SEPTIN8: variants seen among roughly 807,000 people sequenced by gnomAD.
SEPTIN8 encodes the protein septin 8, also known as septin-8.
A neutral mutation model predicts 53.1 loss-of-function variants in SEPTIN8; 22 were observed. That is an observed-to-expected ratio of 0.41 (90% CI 0.30 to 0.59). The LOEUF (loss-of-function observed/expected upper bound fraction) is 0.59, where lower values mean the gene tolerates loss of function less well. Ranked by LOEUF, SEPTIN8 falls within the 20% of genes least tolerant of loss-of-function variation. The pLI, the probability that SEPTIN8 is intolerant of heterozygous loss-of-function variation, is 0.24. For synonymous variants in SEPTIN8, 228 were observed against 248.4 expected, an observed-to-expected ratio of 0.92 and a Z score of 0.77; for missense variants, 536 against 638.7, an observed-to-expected ratio of 0.84 and a Z score of 1.73.
At chr5:132,769,621 C>T (rs773433502) in intron 1 of SEPTIN8, among the ~76,000 whole-genome samples, 2 of 152,028 alleles carry the variant, frequency 1.3e-5, no homozygotes, top group South Asian at 2.1e-4. Flanking sequence ...TGACATAGGC[C>T]GTAGCAGCCT....
rs576714860 is a variant in SEPTIN8 at position 132,764,288 on chromosome 5, C to T, written c.283G>A (p.Val95Met). Reference protein sequence around the residue: ...PQTYDLQESNVQLKLTIVDAV... With the variant: ...PQTYDLQESNMQLKLTIVDAV... Reference sequence around the variant, plus strand: ...TCCACAATGGTCAGCTTGAGCTGCACGTTGCTCTCCTGGAGGTCATAGGTC... The same window carrying T: ...TCCACAATGGTCAGCTTGAGCTGCATGTTGCTCTCCTGGAGGTCATAGGTC... Residue 95 changes from valine (V) to methionine (M), a missense_variant, in exon 3 of 10, where the codon GTG (valine) becomes ATG (methionine). By Grantham distance (21) the Val-to-Met change is conservative (BLOSUM62 1). Around this residue, in one of 3 missense-constraint regions of SEPTIN8, gnomAD observed 395 missense variants for 451.8 expected, o/e 0.87. Transcript: ENST00000378719. 5 of 1,614,050 alleles carry T rather than the reference C, an allele frequency of 3.1e-6. No individual in the cohort carries two copies. The highest frequency in any genetic ancestry group is 3.3e-5 in the Admixed American group (2 of 59,992).
At chr5:132,762,432 C>T (rs568490499) in intron 5 of SEPTIN8, 52 bp downstream of exon 5, 78 of 1,566,864 alleles carry the variant, frequency 5.0e-5, no homozygotes, top group South Asian at 2.8e-4. Flanking sequence ...AGATCTGTGC[C>T]GGCTCCTCGC....
chr5:132,770,004 TATATATATATATATATATAC>T (rs1385803454), intron 1 of SEPTIN8, among the ~76,000 whole-genome samples: 30 of 50,320 alleles, frequency 6.0e-4, no homozygotes, highest in South Asian at 4.4e-3. Flanking sequence ...TATATATATA[TATATATATATATATATATAC>T]ACACACATAT....
intron 9 of SEPTIN8, chr5:132,759,111 C>T: frequency 1.8e-6 from 1 of 554,546 alleles, no homozygotes; most frequent in Non-Finnish European, 3.5e-6. Flanking sequence ...CACCCCTGCC[C>T]CCATTCCAAA....
In SEPTIN8 at chr5:132,751,113, C is replaced by G. The variant is rs1581119753; in HGVS notation, c.*903G>C. On this transcript the variant is annotated 3_prime_UTR_variant, in exon 10 of 10. Coordinates refer to ENST00000378719, the MANE Select transcript of SEPTIN8 (RefSeq NM_001098811.2). The stretch of plus-strand genomic sequence containing the variant: ...TGCACACGCCCTTGCACATGCACCA[C>G]AGTGAGGTGACGCACAAGGCTCATG... 1.7e-6 allele frequency: 2 copies of G among 1,187,864 alleles called. No individual in the cohort carries two copies. Among genetic ancestry groups the G allele is most frequent in the Non-Finnish European group, 2.4e-6 (2 of 841,464 alleles). The allele number at this position is 1,187,864 out of a possible 1,614,324, so 73.6% of individuals were successfully genotyped here. A position where few individuals can be genotyped will look rare whatever the true frequency, so the allele number is the denominator to read the frequency against.
At chr5:132,755,495 T>TTCAAGTA (rs1310864758) in intron 9 of SEPTIN8, among the ~76,000 whole-genome samples, 54 of 152,254 alleles carry the variant, frequency 3.5e-4, no homozygotes, top group African/African-American at 1.3e-3. Flanking sequence ...AATCTCAACT[T>TTCAAGTA]CTCCAGTTAC....
intron 9 of SEPTIN8, chr5:132,754,383 T>G: frequency 1.4e-6 from 1 of 717,306 alleles, no homozygotes; most frequent in Admixed American, 2.0e-5. Flanking sequence ...CCACAGTGCA[T>G]GAGGCAGAAG....
At chr5:132,771,658 A>G (rs1757330079) in intron 1 of SEPTIN8, among the ~76,000 whole-genome samples, 1 of 152,214 alleles carries the variant, frequency 6.6e-6, no homozygotes, top group Non-Finnish European at 1.5e-5. Context: ...AAACTATGCT[A>G]GCCCCGGCTC....
intron 1 of SEPTIN8, among the ~76,000 whole-genome samples, chr5:132,774,716 C>T (rs1757632226): frequency 6.6e-6 from 1 of 152,162 alleles, no homozygotes; most frequent in African/African-American, 2.4e-5. Context: ...AATTCTCAGG[C>T]CTGCAGGGCT....
intron 9 of SEPTIN8, among the ~76,000 whole-genome samples, chr5:132,759,886 G>GA (rs1194500620): frequency 6.6e-6 from 1 of 152,152 alleles, no homozygotes; most frequent in Non-Finnish European, 1.5e-5. Flanking sequence ...TAAGGGTGTG[G>GA]AAACAGGCTA....
intron 5 of SEPTIN8, 27 bp downstream of exon 5, chr5:132,762,457 G>C (rs776551633): frequency 1.2e-6 from 2 of 1,611,554 alleles, no homozygotes; most frequent in African/African-American, 2.7e-5. Flanking sequence ...TGGCCCCAGG[G>C]CCCTGAGGCC....
intron 9 of SEPTIN8, among the ~76,000 whole-genome samples, chr5:132,759,287 G>C (rs1755655955): frequency 6.6e-6 from 1 of 152,076 alleles, no homozygotes; most frequent in Non-Finnish European, 1.5e-5. Context: ...CCAGAGAACA[G>C]GAAAGACCTG....
chr5:132,765,849 G>A (rs1359930425), intron 1 of SEPTIN8, among the ~76,000 whole-genome samples: 2 of 152,200 alleles, frequency 1.3e-5, no homozygotes, highest in African/African-American at 2.4e-5. Context: ...CTACCCATAA[G>A]GGCCCACCTG....
rs372681544 is a variant in SEPTIN8 at position 132,760,389 on chromosome 5, C to A, written c.1286+413G>T. 6.6e-6 allele frequency among the ~76,000 whole-genome samples: 1 copy of A among 152,168 alleles called. No homozygotes were observed. The highest frequency in any genetic ancestry group is 1.5e-5 in the Non-Finnish European group (1 of 68,040). On this transcript the variant is annotated intron_variant, in intron 9 of 9. Transcript: ENST00000378719. This position sits in a 1 kb window ranked among gnomAD's most constrained non-coding sequence, Gnocchi z 5.2. ...GAGCCCTGCAGCTTCGCCCTCTCCACGCTGCTCCTCACCCGTGCAGCCCCA... is the reference window on the plus strand; with the variant it reads ...GAGCCCTGCAGCTTCGCCCTCTCCAAGCTGCTCCTCACCCGTGCAGCCCCA...
At position 132,750,949 on chromosome 5, in the gene SEPTIN8, A is replaced by G. The variant is rs927916368; in HGVS notation, c.*1067T>C. The G allele has an allele frequency of 2.5e-6, 4 of 1,614,278 alleles. No homozygotes were observed. The highest frequency in any genetic ancestry group is 1.1e-5 in the South Asian group (1 of 91,086). On this transcript the variant is annotated 3_prime_UTR_variant, in exon 10 of 10. Transcript: ENST00000378719. Reference sequence around the variant, plus strand: ...GGATGGAGCTGGCTATTCTGGACAGACTGCACTGGGACCTCTATATTGGGA... The same window carrying G: ...GGATGGAGCTGGCTATTCTGGACAGGCTGCACTGGGACCTCTATATTGGGA...
At position 132,752,021 on chromosome 5, in the gene SEPTIN8, G is replaced by A. The variant is rs1260368208; in HGVS notation, c.1447C>T (p.Leu483Phe). The stretch of plus-strand genomic sequence containing the variant: ...CATGTGTTGGAGCTGCTGCCTCAGA[G>A]GAATCCTTCCCTCCACGTCGCATCC... ...VRDATWREGF[L>F] Residue 483 changes from leucine to phenylalanine, a missense_variant, in exon 10 of 10, where the codon CTC becomes TTC. Leu to Phe is a conservative substitution (Grantham distance 22). This residue lies in a region of SEPTIN8 where 133 missense variants were observed against 157.4 expected (regional missense o/e 0.84). Transcript: ENST00000378719. 2 of 1,612,388 alleles carry A rather than the reference G, an allele frequency of 1.2e-6. No individual in the cohort carries two copies. Among genetic ancestry groups the A allele is most frequent in the Non-Finnish European group, 1.7e-6 (2 of 1,179,462 alleles).
upstream of SEPTIN8, chr5:132,777,304 C>T: frequency 1.8e-6 from 2 of 1,088,620 alleles, no homozygotes; most frequent in South Asian, 4.5e-5. The surrounding 1 kb of genome is among the most constrained non-coding windows in gnomAD (Gnocchi z 4.1). Context: ...GCCGCGGAGC[C>T]GCCCCTGCCC....
chr5:132,762,441 G>A (rs761003744), intron 5 of SEPTIN8, 43 bp downstream of exon 5: 18 of 1,594,230 alleles, frequency 1.1e-5, no homozygotes, highest in African/African-American at 1.3e-5. Context: ...CCGGCTCCTC[G>A]CCCTCTGGCC....
At chr5:132,779,919 A>G (rs1167219301), upstream of SEPTIN8, among the ~76,000 whole-genome samples, 1 of 152,218 alleles carries the variant, frequency 6.6e-6, no homozygotes, top group African/African-American at 2.4e-5. Flanking sequence ...AGCTGCTTCA[A>G]CAAGATAGAA....
Sources: allele counts gnomAD v4.1 joint callset (sites outside exome capture counted in the v4.1 genomes callset), GRCh38; gene constraint gnomAD v4.1.1; regional missense constraint gnomAD v4.1.1; non-coding constraint Gnocchi (gnomAD v3.1); transcripts MANE v1.5; gene names NCBI Gene and HGNC (gene_info 2026-07-23, HGNC 2026-07-21).